Variants in TPD52L2 observed in about 807,000 individuals in gnomAD.
The protein encoded by TPD52L2 is tumor protein D54.
TPD52L2 carries 19 observed loss-of-function variants against 24.7 expected under a neutral mutation model. The observed-to-expected ratio is 0.77, with a 90% CI of 0.54 to 1.13. TPD52L2 has a LOEUF of 1.13. Among genes scored for constraint, TPD52L2 ranks in the 50% most tolerant of loss-of-function variants. The pLI is 0.00. For missense variants in TPD52L2, 236 were observed against 250.4 expected, an observed-to-expected ratio of 0.94 and a Z score of 0.39; for synonymous variants, 104 against 100.2, an observed-to-expected ratio of 1.04 and a Z score of -0.23.
Position 63,869,541 on chromosome 20 carries a change from C to T in TPD52L2, c.165+100C>T, listed in dbSNP as rs779239271. Reference sequence around the variant, plus strand: ...CTGGCCACGCTCGGGAGGAATTGCCCTGGGTGGTCACCTACCCTGCTCTGT... The same window carrying T: ...CTGGCCACGCTCGGGAGGAATTGCCTTGGGTGGTCACCTACCCTGCTCTGT... On this transcript the variant is annotated intron_variant, in intron 2 of 6. Coordinates refer to ENST00000346249, the MANE Select transcript of TPD52L2 (RefSeq NM_003288.4). 6.0e-5 allele frequency: 90 copies of T among 1,491,156 alleles called. No homozygotes were observed. The Middle Eastern group carries it at 9.9e-4, about 16-fold the overall frequency. 92.4% of individuals were successfully genotyped at this position (1,491,156 alleles called of 1,614,324 possible).
rs933807162 is a variant in TPD52L2, at chr20:63,875,931, C to G, written c.374+56C>G. 5.8e-6 allele frequency: 9 copies of G among 1,557,204 alleles called. No homozygotes were observed. In the South Asian group the frequency reaches 1.0e-4, roughly 17 times the overall value. On this transcript the variant is annotated intron_variant, in intron 4 of 6. Transcript: ENST00000346249. ...TTCCTCCTCTCCGCCTCCTGACACT[C>G]AGTCGGGGAAGGGGGCTGTGCACAC... is the stretch of plus-strand genomic sequence containing the variant.
chr20:63,870,161 T>C (rs2052404043), intron 2 of TPD52L2, among the ~76,000 whole-genome samples: 1 of 152,214 alleles, frequency 6.6e-6, no homozygotes, highest in Non-Finnish European at 1.5e-5. Flanking sequence ...CTAAAAAGTA[T>C]TTATGTGATC....
intron 4 of TPD52L2, among the ~76,000 whole-genome samples, chr20:63,882,349 C>T (rs964822449): frequency 2.0e-5 from 3 of 152,230 alleles, no homozygotes; most frequent in East Asian, 1.9e-4. Flanking sequence ...GCAAATGGGG[C>T]GTGTTCTCTG....
chr20:63,883,581 A>T (rs1368388153), intron 5 of TPD52L2, among the ~76,000 whole-genome samples: 1 of 152,138 alleles, frequency 6.6e-6, no homozygotes, highest in Non-Finnish European at 1.5e-5. Flanking sequence ...CCTGGCCCCA[A>T]CTTCTGGGTG....
At chr20:63,883,470 T>A (rs1226618777) in intron 5 of TPD52L2, among the ~76,000 whole-genome samples, 1 of 152,188 alleles carries the variant, frequency 6.6e-6, no homozygotes, top group African/African-American at 2.4e-5. Flanking sequence ...GATGCTTGGC[T>A]GGGCTACCTC....
At chr20:63,886,648 C>G (rs2053129308) in intron 5 of TPD52L2, among the ~76,000 whole-genome samples, 2 of 150,460 alleles carry the variant, frequency 1.3e-5, no homozygotes, top group African/African-American at 4.9e-5. Flanking sequence ...CGCGCCCGGC[C>G]TTTTTTTTCT....
chr20:63,866,465 G>GT (rs1280616662), intron 1 of TPD52L2, among the ~76,000 whole-genome samples: 8 of 149,564 alleles, frequency 5.3e-5, no homozygotes, highest in Non-Finnish European at 8.9e-5. Flanking sequence ...TTGTTTGTTT[G>GT]TTTTTGTTTT....
chr20:63,869,456 C>T lies in TPD52L2; in HGVS notation c.165+15C>T, dbSNP rs2052381603. The T allele has an allele frequency of 1.2e-6, 2 of 1,613,540 alleles. No individual in the cohort carries two copies. Among genetic ancestry groups the T allele is most frequent in the South Asian group, 1.1e-5 (1 of 91,078 alleles). On this transcript the variant is annotated intron_variant, in intron 2 of 6. Coordinates refer to ENST00000346249, the MANE Select transcript of TPD52L2 (RefSeq NM_003288.4). ...AGCTTACCAAGGTGCTGTGGCTTGG[C>T]TGTCTGTCCTGGGGTGAATTGGAGT...
At chr20:63,868,550 C>T (rs1478359959) in intron 1 of TPD52L2, among the ~76,000 whole-genome samples, 3 of 152,178 alleles carry the variant, frequency 2.0e-5, no homozygotes, top group Admixed American at 1.3e-4. Context: ...GCAGCATGTG[C>T]TCCTAGTACG....
intron 4 of TPD52L2, among the ~76,000 whole-genome samples, chr20:63,881,629 G>C (rs541346862): frequency 1.1e-4 from 17 of 152,298 alleles, no homozygotes; most frequent in African/African-American, 3.8e-4. Context: ...GCCTTCTCTG[G>C]CGCCAGTCAT....
In TPD52L2 at chr20:63,890,191, G is replaced by A. The variant is rs1248144769; in HGVS notation, c.*246G>A. 2.3e-6 allele frequency: 2 copies of A among 853,314 alleles called. No homozygotes were observed. The highest frequency in any genetic ancestry group is 3.5e-6 in the Non-Finnish European group (2 of 571,412). 52.9% of individuals were successfully genotyped at this position (853,314 alleles called of 1,614,324 possible). ...GATCACTGTGCTGTCCTTCCTAGGG[G>A]TGCAGGAAGTGGACAGGGCGGAGGG... On this transcript the variant is annotated 3_prime_UTR_variant, in exon 7 of 7. Transcript: ENST00000346249.
chr20:63,887,911 G>T lies in TPD52L2; in HGVS notation c.477-1279G>T, dbSNP rs115947191. 2.7e-3 allele frequency: 1,305 copies of T among 479,484 alleles called. 14 individuals are homozygous for T. The highest frequency in any genetic ancestry group is 0.024 in the African/African-American group (1,216 of 50,632). 29.7% of individuals were successfully genotyped at this position (479,484 alleles called of 1,614,324 possible). On this transcript the variant is annotated intron_variant, in intron 5 of 6. Coordinates refer to ENST00000346249, the MANE Select transcript of TPD52L2 (RefSeq NM_003288.4). Reference sequence around the variant, plus strand: ...GGGTGGGGTGGGGTTCGAGGGGCTCGCACACAGATCCTGGCACTTGCCCTG... The same window carrying T: ...GGGTGGGGTGGGGTTCGAGGGGCTCTCACACAGATCCTGGCACTTGCCCTG...
intron 4 of TPD52L2, among the ~76,000 whole-genome samples, chr20:63,876,467 C>A (rs184697518): frequency 1.7e-3 from 259 of 152,238 alleles, no homozygotes; most frequent in Non-Finnish European, 1.5e-3. Context: ...TGGTGTTGTT[C>A]AGAGTGACTC....
intron 2 of TPD52L2, 116 bp from the exon 3 acceptor site, chr20:63,873,552 C>A: frequency 2.6e-6 from 3 of 1,165,362 alleles, no homozygotes; most frequent in Non-Finnish European, 3.6e-6. Context: ...ATTCCTAGGA[C>A]GAGTTAATGC....
chr20:63,889,248 C>G lies in TPD52L2; in HGVS notation c.525+10C>G. The G allele has an allele frequency of 6.2e-7, 1 of 1,611,116 alleles. No individual in the cohort carries two copies. The highest frequency in any genetic ancestry group is 8.5e-7 in the Non-Finnish European group (1 of 1,178,100). On this transcript the variant is annotated intron_variant, in intron 6 of 6. Transcript: ENST00000346249. ...AGTTGGGACCATAAAGGTAATTGTA[C>G]CTGGACTGTTTGATGGTCTTGGCAA...
At chr20:63,885,148 G>A (rs1268518492) in intron 5 of TPD52L2, among the ~76,000 whole-genome samples, 4 of 152,198 alleles carry the variant, frequency 2.6e-5, no homozygotes, top group Non-Finnish European at 2.9e-5. Context: ...ACTCTTGGGC[G>A]GAAGCCCCTC....
At chr20:63,876,709 C>T (rs1308514685) in intron 4 of TPD52L2, 1 of 454,380 alleles carries the variant, frequency 2.2e-6, no homozygotes, top group Non-Finnish European at 4.4e-6. Flanking sequence ...CTTGAAGGTC[C>T]TGGGGGACCA....
chr20:63,870,748 C>T (rs1219951854), intron 2 of TPD52L2, among the ~76,000 whole-genome samples: 16 of 142,632 alleles, frequency 1.1e-4, no homozygotes, highest in Non-Finnish European at 1.1e-4. Flanking sequence ...GACAGAGTCT[C>T]GCCCTGTCGC....
intron 1 of TPD52L2, among the ~76,000 whole-genome samples, chr20:63,866,560 A>C (rs372528758): frequency 1.3e-5 from 2 of 151,424 alleles, no homozygotes; most frequent in South Asian, 2.1e-4. Context: ...TCCCGGGTTC[A>C]CTGCCATTCT....
Sources: gnomAD v4.1 joint callset for allele counts (sites outside exome capture counted in the v4.1 genomes callset) on GRCh38, gnomAD v4.1.1 for gene constraint, MANE v1.5 for transcripts, NCBI Gene and HGNC (gene_info 2026-07-23, HGNC 2026-07-21) for gene names.